The following PPFIBP2 variants were observed in gnomAD, a reference collection of about 807,000 sequenced individuals.
The protein encoded by PPFIBP2 is PPFIB scaffold protein 2.
Under a neutral mutation model 118.3 loss-of-function variants are expected in PPFIBP2, and 118 were observed. That is an observed-to-expected ratio of 1.00 (90% CI 0.86 to 1.16). The LOEUF is 1.16. PPFIBP2 is among the 50% of genes most tolerant of loss of function. The pLI is 0.00. For synonymous variants in PPFIBP2, 414 were observed against 397.4 expected, an observed-to-expected ratio of 1.04 and a Z score of -0.50; for missense variants, 1,195 against 1,073.1, an observed-to-expected ratio of 1.11 and a Z score of -1.59.
At chr11:7,564,474 A>G (rs80185290) in intron 2 of PPFIBP2, among the ~76,000 whole-genome samples, 2 of 152,356 alleles carry the variant, frequency 1.3e-5, no homozygotes, top group Non-Finnish European at 2.9e-5. Context: ...TAGGGGATAT[A>G]AAGATCTTCT....
At chr11:7,645,687 C>CA (rs928963382) in intron 17 of PPFIBP2, among the ~76,000 whole-genome samples, 1 of 151,754 alleles carries the variant, frequency 6.6e-6, no homozygotes. Context: ...ATTCGCAAAA[C>CA]AAAAAATGGG....
At chr11:7,666,027 G>A in the PPFIBP2 span, 2 of 947,010 alleles carry the variant, frequency 2.1e-6, no homozygotes, top group African/African-American at 1.6e-5. Context: ...GATGCTGTCT[G>A]GGCTGCAGCA....
At chr11:7,536,567 A>G (rs200534383) in intron 1 of PPFIBP2, among the ~76,000 whole-genome samples, 28 of 152,084 alleles carry the variant, frequency 1.8e-4, no homozygotes, top group Non-Finnish European at 3.1e-4. Flanking sequence ...AGAGGGTAAG[A>G]GATGAGAGAA....
chr11:7,649,870 C>G (rs1001047108), intron 21 of PPFIBP2, among the ~76,000 whole-genome samples: 1 of 152,176 alleles, frequency 6.6e-6, no homozygotes. Context: ...CCACCCTCCA[C>G]TGGGGAGACA....
the PPFIBP2 span, chr11:7,665,937 G>T: frequency 2.6e-6 from 4 of 1,535,346 alleles, no homozygotes; most frequent in East Asian, 2.4e-5. Flanking sequence ...GCCGACCAGG[G>T]ACCTGTATGA....
intron 15 of PPFIBP2, 43 bp downstream of exon 15, chr11:7,639,913 C>T: frequency 6.3e-7 from 1 of 1,582,106 alleles, no homozygotes; most frequent in South Asian, 1.2e-5. Context: ...GAGCAGTGTC[C>T]TTGGCACTTT....
At chr11:7,585,119 T>TG (rs1324760286) in intron 3 of PPFIBP2, among the ~76,000 whole-genome samples, 1 of 152,228 alleles carries the variant, frequency 6.6e-6, no homozygotes, top group Non-Finnish European at 1.5e-5. Context: ...TAACATGCTC[T>TG]GACCAGTTGG....
chr11:7,653,713 G>T lies in PPFIBP2; in HGVS notation c.*495G>T. On this transcript the variant is annotated 3_prime_UTR_variant, in exon 24 of 24. Transcript: ENST00000299492. Reference sequence around the variant, plus strand: ...AATTGTGTTGTGCCTTACTTCAGAGGTGGTCTCTTCTTTCTTGTAATAAAA... The same window carrying T: ...AATTGTGTTGTGCCTTACTTCAGAGTTGGTCTCTTCTTTCTTGTAATAAAA... 4 of 1,259,194 alleles carry T rather than the reference G, an allele frequency of 3.2e-6. No homozygotes were observed. In the South Asian group the frequency reaches 3.9e-5, roughly 12 times the overall value. The allele number at this position is 1,259,194 out of a possible 1,614,324, so 78.0% of individuals were successfully genotyped here.
At chr11:7,603,550 C>T (rs1462370674) in intron 5 of PPFIBP2, among the ~76,000 whole-genome samples, 1 of 152,158 alleles carries the variant, frequency 6.6e-6, no homozygotes, top group Non-Finnish European at 1.5e-5. Flanking sequence ...GGCTGCAGTC[C>T]TCTGTCATTG....
intron 3 of PPFIBP2, among the ~76,000 whole-genome samples, chr11:7,568,077 C>T (rs770466444): frequency 2.6e-5 from 4 of 152,328 alleles, no homozygotes; most frequent in Non-Finnish European, 4.4e-5. Flanking sequence ...GCTCCCTTCT[C>T]CTCTGTAGAC....
chr11:7,641,405 G>T (rs777108930), intron 15 of PPFIBP2, 74 bp from the exon 16 acceptor site: 210 of 1,525,810 alleles, frequency 1.4e-4, no homozygotes, highest in Non-Finnish European at 1.8e-4. Flanking sequence ...GAAGGGGAGG[G>T]CCCAGGCTTG....
At chr11:7,591,972 G>A (rs1219674629) in intron 3 of PPFIBP2, among the ~76,000 whole-genome samples, 1 of 152,182 alleles carries the variant, frequency 6.6e-6, no homozygotes, top group Non-Finnish European at 1.5e-5. Context: ...AAGTTGAAAT[G>A]TGGGGAAATG....
At chr11:7,550,986 C>A (rs7131081) in intron 2 of PPFIBP2, among the ~76,000 whole-genome samples, 2 of 151,746 alleles carry the variant, frequency 1.3e-5, no homozygotes, top group African/African-American at 4.8e-5. Context: ...ATTGTGGGAC[C>A]TTGTGGTCGT....
intron 17 of PPFIBP2, 57 bp from the exon 18 acceptor site, chr11:7,648,330 G>C: frequency 6.5e-7 from 1 of 1,530,560 alleles, no homozygotes; most frequent in South Asian, 1.2e-5. Flanking sequence ...GACATGATTA[G>C]ATTCAGAACC....
Position 7,616,894 on chromosome 11 carries a change from G to A in PPFIBP2, c.619-4041G>A, listed in dbSNP as rs185719877. ...CAAAGGAGCTGTTGGGGATTTGTTC[G>A]AACTGCAAGACAGGCATCTGGATGG... On this transcript the variant is annotated intron_variant, in intron 6 of 23. Transcript: ENST00000299492. This position sits in a 1 kb window ranked among gnomAD's most constrained non-coding sequence, Gnocchi z 5.2. 1.4e-3 allele frequency among the ~76,000 whole-genome samples: 210 copies of A among 152,060 alleles called. No individual in the cohort carries two copies. Among genetic ancestry groups the A allele is most frequent in the Non-Finnish European group, 2.4e-3 (161 of 67,998 alleles).
chr11:7,635,986 T>C (rs1282702601), intron 14 of PPFIBP2, among the ~76,000 whole-genome samples: 1 of 152,206 alleles, frequency 6.6e-6, no homozygotes, highest in Non-Finnish European at 1.5e-5. Flanking sequence ...CAGTCCCGCT[T>C]TGATGAACAA....
chr11:7,574,375 G>A (rs1856019760), intron 3 of PPFIBP2, among the ~76,000 whole-genome samples: 1 of 152,158 alleles, frequency 6.6e-6, no homozygotes, highest in South Asian at 2.1e-4. Context: ...AATGGGAGCA[G>A]CAAGCCCAGG....
intron 23 of PPFIBP2, among the ~76,000 whole-genome samples, chr11:7,652,550 G>T (rs1379826201): frequency 6.6e-6 from 1 of 152,214 alleles, no homozygotes; most frequent in East Asian, 1.9e-4. Context: ...AAGTATGTCT[G>T]GGGGAGTCAG....
rs753319584 is a variant in PPFIBP2, at chr11:7,653,297, C to A, written c.*79C>A. On this transcript the variant is annotated 3_prime_UTR_variant, in exon 24 of 24. Transcript: ENST00000299492. ...GTGTCACCATATAACTGCACCTCAC[C>A]CCCGCACGTGTGCATGACTCGCAGA... The A allele has an allele frequency of 8.2e-6, 13 of 1,586,796 alleles. No individual in the cohort carries two copies. Among genetic ancestry groups the A allele is most frequent in the South Asian group, 5.7e-5 (5 of 88,026 alleles).
Sources: gnomAD v4.1 joint callset for allele counts (sites outside exome capture counted in the v4.1 genomes callset) on GRCh38, gnomAD v4.1.1 for gene constraint, Gnocchi (gnomAD v3.1) non-coding constraint, MANE v1.5 for transcripts, NCBI Gene and HGNC (gene_info 2026-07-23, HGNC 2026-07-21) for gene names.